SCAPER: variants seen among roughly 807,000 people sequenced by gnomAD.
SCAPER encodes the protein S-phase cyclin A associated protein in the ER.
In SCAPER, 98 loss-of-function variants were observed where a neutral mutation model predicts 182.2. That is an observed-to-expected ratio of 0.54 (90% CI 0.46 to 0.64). The LOEUF (loss-of-function observed/expected upper bound fraction) is 0.64. Ranked by LOEUF, SCAPER falls within the 30% of genes least tolerant of loss-of-function variation. SCAPER has a pLI of 0.00. For missense variants in SCAPER, 1,432 were observed against 1,690.0 expected, an observed-to-expected ratio of 0.85 and a Z score of 2.68; for synonymous variants, 605 against 564.6, an observed-to-expected ratio of 1.07 and a Z score of -1.01.
intron 28 of SCAPER, among the ~76,000 whole-genome samples, chr15:76,379,153 G>C (rs2042766108): frequency 6.6e-6 from 1 of 152,184 alleles, no homozygotes; most frequent in Non-Finnish European, 1.5e-5. Context: ...GAAATTCTGG[G>C]CATTTAGGTC....
chr15:76,816,339 T>C (rs1316677893), intron 5 of SCAPER, among the ~76,000 whole-genome samples: 2 of 152,208 alleles, frequency 1.3e-5, no homozygotes, highest in Non-Finnish European at 1.5e-5. Flanking sequence ...CCTCATTCTA[T>C]AAGCTTTTTC....
intron 25 of SCAPER, among the ~76,000 whole-genome samples, chr15:76,445,871 C>T (rs1443723796): frequency 6.6e-6 from 1 of 152,166 alleles, no homozygotes; most frequent in Admixed American, 6.5e-5. Context: ...CCCACTCAGC[C>T]TTCTCTAACA....
At chr15:76,349,862 A>C (rs562302738) in intron 31 of SCAPER, 1 of 152,080 alleles carries the variant, frequency 6.6e-6, no homozygotes, top group East Asian at 1.9e-4. Flanking sequence ...CCAAGCAGAG[A>C]GAGGCAGCTT....
chr15:76,828,465 C>G (rs2068187971), intron 5 of SCAPER, among the ~76,000 whole-genome samples: 1 of 152,018 alleles, frequency 6.6e-6, no homozygotes, highest in East Asian at 1.9e-4. Context: ...GATCTGTCAA[C>G]TCAGAAATTG....
intron 26 of SCAPER, among the ~76,000 whole-genome samples, chr15:76,412,447 TACTCTA>T (rs1174326929): frequency 6.6e-6 from 1 of 152,126 alleles, no homozygotes; most frequent in Non-Finnish European, 1.5e-5. Context: ...TTTATGGAAA[TACTCTA>T]TAGTTTCCAC....
At chr15:76,476,972 G>A (rs151102323) in intron 24 of SCAPER, among the ~76,000 whole-genome samples, 3 of 152,016 alleles carry the variant, frequency 2.0e-5, no homozygotes, top group African/African-American at 7.2e-5. Flanking sequence ...GGTGTTAATG[G>A]GGGGGAAGCT....
intron 21 of SCAPER, among the ~76,000 whole-genome samples, chr15:76,640,024 T>C (rs183925962): frequency 3.9e-5 from 6 of 152,332 alleles, no homozygotes; most frequent in Admixed American, 1.3e-4. Context: ...ATGTTATTAA[T>C]AATATTCTAC....
chr15:76,485,500 C>A (rs2051542876), intron 24 of SCAPER, among the ~76,000 whole-genome samples: 1 of 152,120 alleles, frequency 6.6e-6, no homozygotes, highest in Non-Finnish European at 1.5e-5. Flanking sequence ...CATTAAATTA[C>A]CATTGGCATT....
chr15:76,611,259 C>T (rs2050955433), intron 22 of SCAPER, among the ~76,000 whole-genome samples: 1 of 151,634 alleles, frequency 6.6e-6, no homozygotes, highest in Non-Finnish European at 1.5e-5. Flanking sequence ...TAGAAAAAAA[C>T]TCAAAACAGA....
chr15:76,703,419 T>C (rs1007283179), intron 18 of SCAPER, among the ~76,000 whole-genome samples: 2 of 152,168 alleles, frequency 1.3e-5, no homozygotes, highest in African/African-American at 2.4e-5. Context: ...GAACCCACCA[T>C]GGGAAATGTT....
chr15:76,874,338 T>G (rs2072996288), intron 2 of SCAPER, among the ~76,000 whole-genome samples: 2 of 152,158 alleles, frequency 1.3e-5, no homozygotes, highest in African/African-American at 4.8e-5. Context: ...AAAGGATATG[T>G]AAGAAAGAAA....
rs139207412 is a variant in SCAPER, at chr15:76,352,638, C to A, written c.4047+1311G>T. Among the ~76,000 whole-genome samples, 124 of 151,902 alleles carry A rather than the reference C, an allele frequency of 8.2e-4. 1 individual carries two copies. Among genetic ancestry groups the A allele is most frequent in the Non-Finnish European group, 2.4e-4 (16 of 67,960 alleles). On this transcript the variant is annotated intron_variant, in intron 30 of 31. Coordinates refer to ENST00000563290, the MANE Select transcript of SCAPER (RefSeq NM_020843.4). ...CTGGGATTACAGGTGCCCACAGAGA[C>A]GGCGTTTTACTATGTTGGCCAGGCT... is the stretch of plus-strand genomic sequence containing the variant.
intron 24 of SCAPER, among the ~76,000 whole-genome samples, chr15:76,485,743 C>T (rs749578652): frequency 6.6e-6 from 1 of 152,138 alleles, no homozygotes; most frequent in Non-Finnish European, 1.5e-5. Flanking sequence ...TACCTACAAA[C>T]ATCTAATCTT....
chr15:76,420,589 G>C (rs1161489725), intron 26 of SCAPER, among the ~76,000 whole-genome samples: 1 of 152,052 alleles, frequency 6.6e-6, no homozygotes, highest in Non-Finnish European at 1.5e-5. Flanking sequence ...AACTTAACAA[G>C]ATAAAATATC....
At chr15:76,852,311 C>T (rs2070845333) in intron 4 of SCAPER, among the ~76,000 whole-genome samples, 1 of 152,124 alleles carries the variant, frequency 6.6e-6, no homozygotes, top group Non-Finnish European at 1.5e-5. Context: ...ATATTCAGGG[C>T]CTGAACTCAA....
chr15:76,649,526 T>C (rs780743609), intron 21 of SCAPER, among the ~76,000 whole-genome samples: 1 of 151,176 alleles, frequency 6.6e-6, no homozygotes, highest in Non-Finnish European at 1.5e-5. Flanking sequence ...AAAACCATGA[T>C]ATGGAAAAAA....
chr15:76,412,291 C>T (rs974263413), intron 26 of SCAPER, among the ~76,000 whole-genome samples: 26 of 151,886 alleles, frequency 1.7e-4, no homozygotes, highest in Admixed American at 1.6e-3. Context: ...TGTCAAAATC[C>T]GTAAGATATT....
intron 25 of SCAPER, among the ~76,000 whole-genome samples, chr15:76,438,005 G>A (rs549765475): frequency 9.2e-5 from 14 of 152,098 alleles, no homozygotes; most frequent in Admixed American, 3.9e-4. Flanking sequence ...AAAATGGGCC[G>A]GGCACAGTGG....
At chr15:76,488,179 G>C (rs974538177) in intron 24 of SCAPER, among the ~76,000 whole-genome samples, 2 of 152,000 alleles carry the variant, frequency 1.3e-5, no homozygotes, top group African/African-American at 4.8e-5. Context: ...TTCTGAATTT[G>C]TAATATTTCA....
Sources: gnomAD v4.1 joint callset for allele counts (sites outside exome capture counted in the v4.1 genomes callset) on GRCh38, gnomAD v4.1.1 for gene constraint, MANE v1.5 for transcripts, NCBI Gene and HGNC (gene_info 2026-07-23, HGNC 2026-07-21) for gene names.